ADCY8: variants seen among roughly 807,000 people sequenced by gnomAD.
ADCY8 encodes adenylate cyclase type 8.
A neutral mutation model predicts 119.7 loss-of-function variants in ADCY8; 51 were observed. The observed-to-expected ratio is 0.43, with a 90% CI of 0.34 to 0.54. The LOEUF (loss-of-function observed/expected upper bound fraction) is 0.54, where lower values mean the gene tolerates loss of function less well. ADCY8 is among the 20% of genes least tolerant of loss of function. The pLI, the probability that ADCY8 is intolerant of heterozygous loss-of-function variation, is 0.03. For synonymous variants in ADCY8, 665 were observed against 651.0 expected (o/e 1.02, Z -0.33); for missense variants, 1,383 against 1,598.8 (o/e 0.87, Z 2.30).
At chr8:130,902,911 C>A (rs1237722574) in intron 7 of ADCY8, among the ~76,000 whole-genome samples, 3 of 151,940 alleles carry the variant, frequency 2.0e-5, no homozygotes, top group African/African-American at 7.3e-5. Flanking sequence ...ACAGTCACAT[C>A]ATTGAACTTA....
chr8:130,829,801 C>T (rs890080618), intron 12 of ADCY8, among the ~76,000 whole-genome samples: 28 of 152,226 alleles, frequency 1.8e-4, no homozygotes, highest in African/African-American at 6.8e-4. Context: ...TCCAATGCCA[C>T]TTATCCTAAA....
chr8:130,901,633 C>G (rs1201319283), intron 7 of ADCY8, among the ~76,000 whole-genome samples: 2 of 152,162 alleles, frequency 1.3e-5, no homozygotes, highest in Admixed American at 1.3e-4. Flanking sequence ...TCACTGACTT[C>G]TAGAGTTAGG....
intron 14 of ADCY8, among the ~76,000 whole-genome samples, chr8:130,809,238 G>T (rs928034202): frequency 6.6e-6 from 1 of 152,144 alleles, no homozygotes; most frequent in East Asian, 1.9e-4. Context: ...TTGGTGTTAC[G>T]CATACCTGGG....
chr8:131,036,660 G>A lies in ADCY8; in HGVS notation c.960+2714C>T, dbSNP rs368869955. Among the ~76,000 whole-genome samples the A allele has an allele frequency of 7.2e-5, 11 of 152,256 alleles. No individual in the cohort carries two copies. In the South Asian group the frequency reaches 8.3e-4, roughly 11 times the overall value. Reference sequence around the variant, plus strand: ...ATGTGCTCTGGAGAAAATGAAACAAGTCGTTTACTAGAGAAAGTAGCATTT... The same window carrying A: ...ATGTGCTCTGGAGAAAATGAAACAAATCGTTTACTAGAGAAAGTAGCATTT... On this transcript the variant is annotated intron_variant, in intron 1 of 17. Coordinates refer to ENST00000286355, the MANE Select transcript of ADCY8 (RefSeq NM_001115.3).
rs1475267602 is a variant in ADCY8 at position 130,800,461 on chromosome 8, G to A, written c.3025C>T (p.Arg1009Cys). The change falls in exon 15 of 18, where the codon CGC (arginine) becomes TGC (cysteine). Residue 1009 changes from arginine to cysteine, a missense_variant. Around this residue, in one of 2 missense-constraint regions of ADCY8, gnomAD observed 928 missense variants for 1,163.5 expected, o/e 0.80. Transcript: ENST00000286355. ...TCAGCAATGATCTCATTGAGCAAGCGCAGGCATTCCACTCCCTGGTTATTC... is the reference window on the plus strand; with the variant it reads ...TCAGCAATGATCTCATTGAGCAAGCACAGGCATTCCACTCCCTGGTTATTC... ...EMNNQGVECL[R>C]LLNEIIADFD... is the part of the protein sequence containing the mutation. The A allele has an allele frequency of 1.9e-6, 3 of 1,614,140 alleles. No individual in the cohort carries two copies. Among genetic ancestry groups the A allele is most frequent in the East Asian group, 2.2e-5 (1 of 44,880 alleles).
intron 5 of ADCY8, among the ~76,000 whole-genome samples, chr8:130,913,531 G>T (rs895854270): frequency 2.0e-5 from 3 of 152,112 alleles, no homozygotes; most frequent in Non-Finnish European, 4.4e-5. Context: ...TTAAGACCAT[G>T]ATCAACCACA....
rs142069711 is a variant in ADCY8, at chr8:131,005,702, C to T, written c.961-15160G>A. Among the ~76,000 whole-genome samples, 253 of 152,266 alleles carry T rather than the reference C, an allele frequency of 1.7e-3. No individual in the cohort carries two copies. In the East Asian group the frequency reaches 0.022, roughly 13 times the overall value. On this transcript the variant is annotated intron_variant, in intron 1 of 17. Coordinates refer to ENST00000286355, the MANE Select transcript of ADCY8 (RefSeq NM_001115.3). ...AGCAAGATCTGGGGCAATTGCTTAT[C>T]CTGCTGTGCTGGAGTTTGTGCAATT...
intron 8 of ADCY8, among the ~76,000 whole-genome samples, chr8:130,871,826 C>T (rs575762622): frequency 1.3e-5 from 2 of 152,064 alleles, no homozygotes; most frequent in Non-Finnish European, 1.5e-5. Context: ...TGAAAGATTA[C>T]CCACCACCGG....
intron 3 of ADCY8, among the ~76,000 whole-genome samples, chr8:130,945,235 G>C (rs1321747397): frequency 6.6e-6 from 1 of 152,192 alleles, no homozygotes; most frequent in Non-Finnish European, 1.5e-5. Context: ...ATGGAGAAGG[G>C]GCTGGTAAGC....
At chr8:130,984,539 T>C (rs1324828201) in intron 2 of ADCY8, among the ~76,000 whole-genome samples, 3 of 152,196 alleles carry the variant, frequency 2.0e-5, no homozygotes, top group African/African-American at 7.2e-5. Flanking sequence ...GAAATAGATT[T>C]ATTTTTCAAG....
intron 2 of ADCY8, among the ~76,000 whole-genome samples, chr8:130,986,728 G>T (rs1300810628): frequency 1.3e-5 from 2 of 152,206 alleles, no homozygotes; most frequent in Non-Finnish European, 2.9e-5. Context: ...CAATGATTGA[G>T]ATCCAGTGTG....
intron 2 of ADCY8, among the ~76,000 whole-genome samples, chr8:130,966,636 G>A (rs1401047664): frequency 4.6e-5 from 7 of 152,162 alleles, no homozygotes; most frequent in Non-Finnish European, 7.3e-5. Flanking sequence ...GACAGCAAGC[G>A]GCAGCATAGT....
chr8:130,855,753 C>T (rs898636968), intron 9 of ADCY8, among the ~76,000 whole-genome samples: 9 of 152,100 alleles, frequency 5.9e-5, no homozygotes, highest in South Asian at 2.1e-4. Flanking sequence ...CACTGTGAAC[C>T]GTCAACTCTC....
rs117731277 is a variant in ADCY8, at chr8:131,029,580, G to A, written c.960+9794C>T. Among the ~76,000 whole-genome samples the A allele has an allele frequency of 6.3e-3, 963 of 152,308 alleles. 9 individuals are homozygous for A. The highest frequency in any genetic ancestry group is 0.043 in the East Asian group (224 of 5,178). On this transcript the variant is annotated intron_variant, in intron 1 of 17. Transcript: ENST00000286355. ...AGTAGATGGGCCTGATCCATTTAAA[G>A]TGTTTGATAATCGACAAATACCCAT...
intron 2 of ADCY8, among the ~76,000 whole-genome samples, chr8:130,987,216 C>T (rs1037674273): frequency 6.6e-6 from 1 of 152,108 alleles, no homozygotes. Flanking sequence ...ACTGCTTCTC[C>T]ACTGAGCTGA....
At chr8:130,906,862 T>G (rs1228083720) in intron 6 of ADCY8, among the ~76,000 whole-genome samples, 1 of 151,600 alleles carries the variant, frequency 6.6e-6, no homozygotes, top group Non-Finnish European at 1.5e-5. Context: ...TCATATAATT[T>G]CCGTTCTTTC....
At chr8:130,886,074 C>T (rs556303581) in intron 7 of ADCY8, among the ~76,000 whole-genome samples, 31 of 152,178 alleles carry the variant, frequency 2.0e-4, no homozygotes, top group African/African-American at 7.2e-4. Flanking sequence ...CAGCCCACCC[C>T]ATAAGGATTC....
chr8:130,817,560 A>G (rs1202999123), intron 13 of ADCY8, among the ~76,000 whole-genome samples: 1 of 152,140 alleles, frequency 6.6e-6, no homozygotes, highest in Non-Finnish European at 1.5e-5. Flanking sequence ...TTATGTCAAA[A>G]TGATGCAAAA....
chr8:130,786,901 T>C (rs767561681), intron 15 of ADCY8, among the ~76,000 whole-genome samples: 16 of 151,952 alleles, frequency 1.1e-4, no homozygotes, highest in Non-Finnish European at 2.2e-4. Context: ...TGTATGAGTT[T>C]GTGTGTGTTG....
Sources: allele counts gnomAD v4.1 joint callset (sites outside exome capture counted in the v4.1 genomes callset), GRCh38; gene constraint gnomAD v4.1.1; regional missense constraint gnomAD v4.1.1; transcripts MANE v1.5; gene names NCBI Gene and HGNC (gene_info 2026-07-23, HGNC 2026-07-21).